The following ROR1 variants were observed in gnomAD, a reference collection of about 807,000 sequenced individuals.
ROR1 encodes inactive tyrosine-protein kinase transmembrane receptor ROR1.
A neutral mutation model predicts 78.8 loss-of-function variants in ROR1; 19 were observed. The observed-to-expected ratio is 0.24, with a 90% CI of 0.17 to 0.35. The LOEUF is 0.35. Among genes scored for constraint, ROR1 ranks in the 10% least tolerant of loss-of-function variants. ROR1 has a pLI of 1.00. For synonymous variants in ROR1, 386 were observed against 433.6 expected, an observed-to-expected ratio of 0.89 and a Z score of 1.36; for missense variants, 917 against 1,177.8, an observed-to-expected ratio of 0.78 and a Z score of 3.24.
intron 8 of ROR1, among the ~76,000 whole-genome samples, chr1:64,174,739 A>C (rs1454142654): frequency 6.6e-6 from 1 of 152,192 alleles, no homozygotes; most frequent in African/African-American, 2.4e-5. Flanking sequence ...TCTCATGGAA[A>C]TCTCCAATCT....
At chr1:63,929,951 CAG>C (rs1323604748) in intron 1 of ROR1, among the ~76,000 whole-genome samples, 1 of 152,244 alleles carries the variant, frequency 6.6e-6, no homozygotes, top group East Asian at 1.9e-4. Context: ...AGTCTGTAGA[CAG>C]AGTGTTAGGA....
intron 4 of ROR1, among the ~76,000 whole-genome samples, chr1:64,051,062 G>A (rs573343061): frequency 3.3e-5 from 5 of 152,104 alleles, no homozygotes; most frequent in Admixed American, 2.0e-4. Context: ...TACTCTCAGG[G>A]TCTATGTTTC....
intron 1 of ROR1, among the ~76,000 whole-genome samples, chr1:63,870,307 A>T (rs935224580): frequency 1.3e-5 from 2 of 152,172 alleles, no homozygotes; most frequent in African/African-American, 4.8e-5. Context: ...AACTCTGAGC[A>T]TCTAGAGGAA....
intron 4 of ROR1, among the ~76,000 whole-genome samples, chr1:64,067,707 A>ATTTTTTTTTTTT (rs1557635987): frequency 1.2e-4 from 15 of 130,412 alleles, no homozygotes; most frequent in African/African-American, 2.5e-4. Flanking sequence ...AGTTAAATAA[A>ATTTTTTTTTTTT]TTCTTTTTTT....
chr1:63,905,554 C>G (rs1355030530), intron 1 of ROR1, among the ~76,000 whole-genome samples: 1 of 152,118 alleles, frequency 6.6e-6, no homozygotes, highest in Non-Finnish European at 1.5e-5. Context: ...ATATAGCATG[C>G]AGAAACGGAT....
chr1:64,007,956 CTTTT>C (rs74261212), intron 1 of ROR1, among the ~76,000 whole-genome samples: 302 of 137,514 alleles, frequency 2.2e-3, no homozygotes, highest in Admixed American at 3.1e-3. Flanking sequence ...TGCCCTTGTT[CTTTT>C]TTTTTTTTTT....
chr1:63,956,682 T>C (rs1645985178), intron 1 of ROR1, among the ~76,000 whole-genome samples: 1 of 152,184 alleles, frequency 6.6e-6, no homozygotes, highest in Non-Finnish European at 1.5e-5. Context: ...TGGAACCAAC[T>C]CTGTTGAGAA....
Position 64,177,565 on chromosome 1 carries a change from G to A in ROR1, c.1524G>A (p.Leu508=), listed in dbSNP as rs1310648279. 17 of 1,614,142 alleles carry A rather than the reference G, an allele frequency of 1.1e-5. No homozygotes were observed. Among genetic ancestry groups the A allele is most frequent in the Non-Finnish European group, 1.4e-5 (16 of 1,180,028 alleles). Residue 508 remains leucine, a synonymous_variant, in exon 9 of 9, where the codon TTG becomes TTA. Coordinates refer to ENST00000371079, the MANE Select transcript of ROR1 (RefSeq NM_005012.4). The part of the protein sequence containing the change: ...DHAQLVAIKT[L]KDYNNPQQWT... ...CTCAGCTGGTTGCTATCAAGACCTT[G>A]AAAGACTATAACAACCCCCAGCAAT...
intron 1 of ROR1, among the ~76,000 whole-genome samples, chr1:63,898,299 GT>G (rs1645456709): frequency 8.7e-6 from 1 of 114,878 alleles, no homozygotes; most frequent in East Asian, 2.9e-4. Context: ...GTAAATAGAT[GT>G]TTTCTGAATT....
chr1:64,111,946 A>G (rs1007817961), intron 4 of ROR1: 1 of 152,224 alleles, frequency 6.6e-6, no homozygotes, highest in African/African-American at 2.4e-5. Flanking sequence ...AAGTCCTTAC[A>G]TTCCACAAAC....
intron 1 of ROR1, chr1:63,843,221 C>G (rs879175001): frequency 6.7e-7 from 1 of 1,498,770 alleles, no homozygotes; most frequent in Non-Finnish European, 9.3e-7. Context: ...GGGAGATGAC[C>G]GCACTGCCCC....
intron 8 of ROR1, among the ~76,000 whole-genome samples, chr1:64,174,631 C>T (rs1205333960): frequency 2.0e-5 from 3 of 152,090 alleles, no homozygotes; most frequent in African/African-American, 2.4e-5. Context: ...TCTCCAAAAG[C>T]GTAGAGATCT....
chr1:63,896,640 T>G (rs1569875137), intron 1 of ROR1, among the ~76,000 whole-genome samples: 1 of 152,054 alleles, frequency 6.6e-6, no homozygotes, highest in Non-Finnish European at 1.5e-5. Flanking sequence ...GGCAGGACAC[T>G]GGGGAAAAAC....
chr1:64,028,424 T>C (rs1210790800), intron 2 of ROR1, among the ~76,000 whole-genome samples: 3 of 152,150 alleles, frequency 2.0e-5, no homozygotes, highest in Non-Finnish European at 4.4e-5. Flanking sequence ...GTTTGCTAAA[T>C]AGGAAGCAGA....
At chr1:64,169,559 C>T (rs1244019144) in intron 8 of ROR1, among the ~76,000 whole-genome samples, 1 of 152,174 alleles carries the variant, frequency 6.6e-6, no homozygotes, top group Non-Finnish European at 1.5e-5. Context: ...GGTGGGGACA[C>T]TGCCAAACCA....
chr1:64,034,706 T>C (rs1314030352), intron 2 of ROR1, among the ~76,000 whole-genome samples: 1 of 152,218 alleles, frequency 6.6e-6, no homozygotes, highest in East Asian at 1.9e-4. Context: ...TATTCTTGTT[T>C]ATTTGAAAGA....
chr1:64,053,826 T>C (rs912488551), intron 4 of ROR1, among the ~76,000 whole-genome samples: 1 of 152,264 alleles, frequency 6.6e-6, no homozygotes, highest in Non-Finnish European at 1.5e-5. Context: ...ATTAGTTCCA[T>C]AAAAATTTGT....
chr1:63,923,153 C>T (rs530121704), intron 1 of ROR1, among the ~76,000 whole-genome samples: 28 of 152,164 alleles, frequency 1.8e-4, no homozygotes, highest in Non-Finnish European at 4.0e-4. Flanking sequence ...TTGGGCTTCC[C>T]AGCGTGGCAC....
At chr1:63,926,278 T>TC in intron 1 of ROR1, among the ~76,000 whole-genome samples, 1 of 149,648 alleles carries the variant, frequency 6.7e-6, no homozygotes, top group African/African-American at 2.5e-5. Context: ...GGGAATCCTT[T>TC]CCCCATTGCT....
Sources: allele counts gnomAD v4.1 joint callset (sites outside exome capture counted in the v4.1 genomes callset), GRCh38; gene constraint gnomAD v4.1.1; transcripts MANE v1.5; gene names NCBI Gene and HGNC (gene_info 2026-07-23, HGNC 2026-07-21).